The following BNC2 variants were observed in gnomAD, a reference collection of about 807,000 sequenced individuals.
BNC2 encodes the protein basonuclin zinc finger protein 2.
Under a neutral mutation model 76.3 loss-of-function variants are expected in BNC2, and 20 were observed. That is an observed-to-expected ratio of 0.26 (90% CI 0.18 to 0.38). The LOEUF (loss-of-function observed/expected upper bound fraction) is 0.38, where lower values mean the gene tolerates loss of function less well. Ranked by LOEUF, BNC2 falls within the 10% of genes least tolerant of loss-of-function variation. The pLI, the probability that BNC2 is intolerant of heterozygous loss-of-function variation, is 1.00. For synonymous variants in BNC2, 582 were observed against 514.8 expected (o/e 1.13, Z -1.77); for missense variants, 1,382 against 1,399.8 (o/e 0.99, Z 0.20).
Position 16,746,738 on chromosome 9 carries a change from G to A in BNC2, c.4-8253C>T, listed in dbSNP as rs941492346. On this transcript the variant is annotated intron_variant, in intron 1 of 6. Transcript: ENST00000380672. ...AGCACTTTTGGAGGCCGAGGCAGGC[G>A]GATCATGAGGTCAGGAGATCGAGAC... is the stretch of plus-strand genomic sequence containing the variant. Among the ~76,000 whole-genome samples, 12 of 151,468 alleles carry A rather than the reference G, an allele frequency of 7.9e-5. No homozygotes were observed. In the East Asian group the frequency reaches 8.2e-4, roughly 10 times the overall value.
intron 3 of BNC2, among the ~76,000 whole-genome samples, chr9:16,594,328 C>T (rs1368519914): frequency 6.6e-6 from 1 of 152,096 alleles, no homozygotes; most frequent in Non-Finnish European, 1.5e-5. Flanking sequence ...AATATAACAC[C>T]TCATCCTAAG....
chr9:16,429,978 C>T (rs1227349486), intron 6 of BNC2: 1 of 515,280 alleles, frequency 1.9e-6, no homozygotes, highest in South Asian at 1.4e-5. Context: ...GACCGTTTTG[C>T]TCATTGCTCT....
At chr9:16,630,884 C>A (rs1267345579) in intron 3 of BNC2, among the ~76,000 whole-genome samples, 3 of 151,952 alleles carry the variant, frequency 2.0e-5, no homozygotes, top group African/African-American at 7.3e-5. Context: ...GGATTACAGG[C>A]ATGCGCCACC....
Position 16,436,146 on chromosome 9 carries a change from C to T in BNC2, c.2048G>A (p.Ser683Asn). ...AAAGTCCTTCACAGACATGCCTGGG[C>T]TCATCTCCTCTTGGGAGTGACAATG... ...DNHCHSQEEM[S>N]PGMSVKDFSK... Residue 683 changes from serine to asparagine, a missense_variant, in exon 6 of 7, where the codon AGC becomes AAC. Physicochemically the swap from Ser to Asn is conservative, Grantham distance 46 (BLOSUM62 1). This residue lies in a region of BNC2 where 798 missense variants were observed against 775.5 expected (regional missense o/e 1.03). Transcript: ENST00000380672. The T allele has an allele frequency of 6.2e-7, 1 of 1,614,196 alleles. No homozygotes were observed. The highest frequency in any genetic ancestry group is 2.2e-5 in the East Asian group (1 of 44,874).
chr9:16,834,830 G>C (rs907449204), intron 1 of BNC2, among the ~76,000 whole-genome samples: 1 of 152,088 alleles, frequency 6.6e-6, no homozygotes, highest in Non-Finnish European at 1.5e-5. Context: ...TATGAAAACA[G>C]ATTCCCCCAT....
chr9:16,597,413 C>G (rs896296232), intron 3 of BNC2, among the ~76,000 whole-genome samples: 6 of 152,104 alleles, frequency 3.9e-5, no homozygotes, highest in Admixed American at 3.9e-4. Context: ...AATTTTAATA[C>G]ATTTCAACTT....
intron 3 of BNC2, among the ~76,000 whole-genome samples, chr9:16,661,495 A>G (rs1387057032): frequency 6.6e-6 from 1 of 152,280 alleles, no homozygotes; most frequent in East Asian, 1.9e-4. Flanking sequence ...TGTATTATAG[A>G]AGACTCTGGA....
At chr9:16,464,015 A>G (rs143813442) in intron 5 of BNC2, among the ~76,000 whole-genome samples, 97 of 148,884 alleles carry the variant, frequency 6.5e-4, no homozygotes, top group African/African-American at 2.3e-3. Context: ...AATTGCTTGA[A>G]CCTGGAAGGC....
intron 5 of BNC2, among the ~76,000 whole-genome samples, chr9:16,539,974 T>A (rs1348289081): frequency 2.0e-5 from 3 of 151,984 alleles, no homozygotes; most frequent in Non-Finnish European, 4.4e-5. Context: ...AAATTATATA[T>A]CTTAAATTAG....
At chr9:16,804,486 C>T (rs184892403) in intron 1 of BNC2, among the ~76,000 whole-genome samples, 5 of 152,324 alleles carry the variant, frequency 3.3e-5, no homozygotes, top group African/African-American at 1.2e-4. Flanking sequence ...CTCACAAGCA[C>T]ATATGCTGGA....
intron 5 of BNC2, among the ~76,000 whole-genome samples, chr9:16,451,163 T>C: frequency 6.6e-6 from 1 of 152,186 alleles, no homozygotes; most frequent in Non-Finnish European, 1.5e-5. Flanking sequence ...GGGGAGACAA[T>C]TAAGAGAGAT....
At chr9:16,456,598 A>G (rs1442288126) in intron 5 of BNC2, among the ~76,000 whole-genome samples, 3 of 151,398 alleles carry the variant, frequency 2.0e-5, no homozygotes. Context: ...ACTGGTGGCC[A>G]GCAGCCACTC....
chr9:16,503,199 CT>C (rs1360831143), intron 5 of BNC2, among the ~76,000 whole-genome samples: 10 of 152,134 alleles, frequency 6.6e-5, no homozygotes, highest in Admixed American at 1.3e-4. Context: ...CTCCAGCCCC[CT>C]CCCACAATTT....
In BNC2 at chr9:16,763,448, T is replaced by C. The variant is rs191273410; in HGVS notation, c.4-24963A>G. On this transcript the variant is annotated intron_variant, in intron 1 of 6. Coordinates refer to ENST00000380672, the MANE Select transcript of BNC2 (RefSeq NM_017637.6). ...AGCCGGCCATAGTGACATGCACCTG[T>C]GGTCCCAGCTACATGGGAAGCTGAG... Among the ~76,000 whole-genome samples, 64 of 152,098 alleles carry C rather than the reference T, an allele frequency of 4.2e-4. No individual in the cohort carries two copies. The East Asian group carries it at 0.011, about 27-fold the overall frequency.
intron 1 of BNC2, among the ~76,000 whole-genome samples, chr9:16,839,787 T>C (rs769333146): frequency 1.4e-4 from 22 of 152,182 alleles, no homozygotes; most frequent in African/African-American, 4.6e-4. Context: ...TAATTTCCAA[T>C]ATATAGACTG....
At chr9:16,559,265 G>C (rs1563839306) in intron 4 of BNC2, among the ~76,000 whole-genome samples, 1 of 145,456 alleles carries the variant, frequency 6.9e-6, no homozygotes, top group Non-Finnish European at 1.5e-5. Context: ...TCTTAAATGA[G>C]ATTTTTTTTT....
chr9:16,524,602 T>G (rs977006607), intron 5 of BNC2, among the ~76,000 whole-genome samples: 3 of 152,208 alleles, frequency 2.0e-5, no homozygotes, highest in African/African-American at 7.2e-5. Context: ...GATGTTCCTA[T>G]GTATAATAAT....
chr9:16,476,646 G>C, intron 5 of BNC2, among the ~76,000 whole-genome samples: 1 of 151,520 alleles, frequency 6.6e-6, no homozygotes, highest in Non-Finnish European at 1.5e-5. Flanking sequence ...CAGGGACCAC[G>C]GGTTTATCTA....
At chr9:16,451,460 CA>C (rs1233171070) in intron 5 of BNC2, among the ~76,000 whole-genome samples, 1 of 151,916 alleles carries the variant, frequency 6.6e-6, no homozygotes, top group African/African-American at 2.4e-5. Flanking sequence ...CTATTGTACA[CA>C]GAATAAATAA....
Sources: gnomAD v4.1 joint callset for allele counts (sites outside exome capture counted in the v4.1 genomes callset) on GRCh38, gnomAD v4.1.1 for gene constraint, gnomAD v4.1.1 regional missense constraint, MANE v1.5 for transcripts, NCBI Gene and HGNC (gene_info 2026-07-23, HGNC 2026-07-21) for gene names.